The following UTRN variants were observed in gnomAD, a reference collection of about 807,000 sequenced individuals.
UTRN encodes the protein utrophin, also known as dystrophin-related protein 1.
A neutral mutation model predicts 463.9 loss-of-function variants in UTRN; 283 were observed. The observed-to-expected ratio is 0.61, with a 90% confidence interval of 0.55 to 0.67. The LOEUF is 0.67. Ranked by LOEUF, UTRN falls within the 30% of genes least tolerant of loss-of-function variation. The pLI is 0.00. For synonymous variants in UTRN, 1,442 were observed against 1,431.5 expected (o/e 1.01, Z -0.17); for missense variants, 3,922 against 4,084.3 (o/e 0.96, Z 1.08).
intron 34 of UTRN, among the ~76,000 whole-genome samples, chr6:144,503,682 T>G (rs1794432092): frequency 6.6e-6 from 1 of 151,858 alleles, no homozygotes. Flanking sequence ...GTCAGCTGGA[T>G]GCCTCCAGCT....
intron 2 of UTRN, among the ~76,000 whole-genome samples, chr6:144,361,768 CTTTCTT>C (rs1341283642): frequency 2.2e-5 from 3 of 138,700 alleles, no homozygotes; most frequent in African/African-American, 8.5e-5. Context: ...TTCTTTCTTT[CTTTCTT>C]TTTTTTTTTT....
chr6:144,606,838 G>A (rs1804899682), intron 51 of UTRN, among the ~76,000 whole-genome samples: 1 of 152,170 alleles, frequency 6.6e-6, no homozygotes, highest in African/African-American at 2.4e-5. Context: ...TTAGTGAAGT[G>A]TAAGTCAATT....
At chr6:144,798,515 G>T (rs1435098240) in intron 64 of UTRN, among the ~76,000 whole-genome samples, 5 of 152,148 alleles carry the variant, frequency 3.3e-5, no homozygotes, top group African/African-American at 4.8e-5. Context: ...AGACTCTTCA[G>T]TTTGTGACCC....
chr6:144,637,736 G>A (rs79732220), intron 51 of UTRN, among the ~76,000 whole-genome samples: 329 of 152,114 alleles, frequency 2.2e-3, no homozygotes, highest in Non-Finnish European at 3.6e-3. Flanking sequence ...GGGTAATGAT[G>A]TAACTAATTT....
intron 54 of UTRN, among the ~76,000 whole-genome samples, chr6:144,743,698 T>C (rs919776867): frequency 1.1e-4 from 16 of 152,304 alleles, no homozygotes; most frequent in Admixed American, 2.0e-4. Flanking sequence ...AAGTGTATTA[T>C]AGTCTTCTTC....
intron 53 of UTRN, among the ~76,000 whole-genome samples, chr6:144,724,034 G>A (rs1429209909): frequency 2.3e-3 from 315 of 138,536 alleles, no homozygotes; most frequent in Middle Eastern, 3.7e-3. Flanking sequence ...AAAAAAGAAA[G>A]AAAAAAAAGA....
intron 62 of UTRN, among the ~76,000 whole-genome samples, 188 bp downstream of exon 62, chr6:144,789,467 G>C (rs536561746): frequency 4.1e-4 from 63 of 152,268 alleles, no homozygotes; most frequent in Non-Finnish European, 7.4e-4. Context: ...GTGTGAAATG[G>C]AAAGCTGATT....
At chr6:144,445,565 C>T (rs766171171) in intron 14 of UTRN, among the ~76,000 whole-genome samples, 2 of 149,364 alleles carry the variant, frequency 1.3e-5, no homozygotes, top group South Asian at 2.1e-4. Context: ...TACTTCCCCC[C>T]CCGCCCTCAA....
chr6:144,788,932 GTTC>G (rs1776525087), intron 61 of UTRN, among the ~76,000 whole-genome samples: 1 of 152,072 alleles, frequency 6.6e-6, no homozygotes, highest in South Asian at 2.1e-4. Context: ...GCTTTAGTTC[GTTC>G]TTCTTAGTTT....
chr6:144,480,622 G>A (rs780675978), intron 26 of UTRN, among the ~76,000 whole-genome samples: 2 of 152,128 alleles, frequency 1.3e-5, no homozygotes, highest in African/African-American at 2.4e-5. Context: ...CTCCTCTGTC[G>A]ATAGTCTTGA....
intron 64 of UTRN, among the ~76,000 whole-genome samples, chr6:144,801,428 A>T (rs186674004): frequency 1.7e-3 from 261 of 152,282 alleles, no homozygotes; most frequent in African/African-American, 6.1e-3. Flanking sequence ...TCAGAGAATG[A>T]ATGGAAAGAC....
intron 28 of UTRN, among the ~76,000 whole-genome samples, chr6:144,485,916 T>C (rs1487762930): frequency 6.6e-6 from 1 of 152,220 alleles, no homozygotes; most frequent in East Asian, 1.9e-4. Flanking sequence ...TTCCTGTCTC[T>C]TACCTTCAGA....
rs146670273 is a variant in UTRN, at chr6:144,760,130, TA to T, written c.8495+2143del. On this transcript the variant is annotated intron_variant, in intron 58 of 74. Transcript: ENST00000367545. ...AAAATGAATTTCTATATGTTTAGGT[TA>T]ATTATATATGACTGAGAATTGTCTA... Among the ~76,000 whole-genome samples, 238 of 152,294 alleles carry T rather than the reference TA, an allele frequency of 1.6e-3. 2 individuals are homozygous for T. The East Asian group carries it at 0.038, about 24-fold the overall frequency.
At chr6:144,755,172 T>C (rs963172841) in intron 57 of UTRN, among the ~76,000 whole-genome samples, 15 of 152,184 alleles carry the variant, frequency 9.9e-5, no homozygotes, top group Non-Finnish European at 1.0e-4. Flanking sequence ...TAAAATGTGC[T>C]TATTTAAAAC....
intron 2 of UTRN, among the ~76,000 whole-genome samples, chr6:144,397,480 T>C (rs982096796): frequency 2.0e-5 from 3 of 152,152 alleles, no homozygotes; most frequent in Admixed American, 1.3e-4. Context: ...TTTAACTCCA[T>C]ACCCTTCTTC....
intron 54 of UTRN, among the ~76,000 whole-genome samples, chr6:144,744,135 A>G (rs1790406527): frequency 6.8e-6 from 1 of 148,146 alleles, no homozygotes; most frequent in South Asian, 2.1e-4. Flanking sequence ...AAAAAAAAAA[A>G]AAAAATTAGC....
chr6:144,649,575 A>T (rs1778603092), intron 51 of UTRN, among the ~76,000 whole-genome samples: 1 of 152,166 alleles, frequency 6.6e-6, no homozygotes, highest in Admixed American at 6.5e-5. Flanking sequence ...GGGGGTTGGA[A>T]TATGGAGAAT....
chr6:144,601,581 A>G (rs1309412783), intron 51 of UTRN, among the ~76,000 whole-genome samples: 1 of 152,186 alleles, frequency 6.6e-6, no homozygotes, highest in Non-Finnish European at 1.5e-5. Flanking sequence ...CCTCTAATGG[A>G]TGAGCAAAAA....
chr6:144,382,007 G>A (rs776647898), intron 2 of UTRN, among the ~76,000 whole-genome samples: 20 of 152,070 alleles, frequency 1.3e-4, no homozygotes, highest in Admixed American at 7.9e-4. Flanking sequence ...CTTCAACCTC[G>A]CTAGCATCTT....
Sources: allele counts gnomAD v4.1 joint callset (sites outside exome capture counted in the v4.1 genomes callset), GRCh38; gene constraint gnomAD v4.1.1; transcripts MANE v1.5; gene names NCBI Gene and HGNC (gene_info 2026-07-23, HGNC 2026-07-21).